SLX4IP: variants seen among roughly 807,000 people sequenced by gnomAD.
The protein encoded by SLX4IP is SLX4 interacting protein, also known as protein SLX4IP.
SLX4IP carries 34 observed loss-of-function variants against 32.9 expected under a neutral mutation model. The ratio of observed to expected loss-of-function variants is 1.03; its 90% CI spans 0.79 to 1.38. The LOEUF is 1.38. Among genes scored for constraint, SLX4IP ranks in the 40% most tolerant of loss-of-function variants. SLX4IP has a pLI of 0.00. For synonymous variants in SLX4IP, 172 were observed against 171.7 expected (o/e 1.00, Z -0.01); for missense variants, 444 against 479.0 (o/e 0.93, Z 0.68).
intron 4 of SLX4IP, among the ~76,000 whole-genome samples, chr20:10,594,940 C>T (rs2066752082): frequency 6.6e-6 from 1 of 152,014 alleles, no homozygotes; most frequent in African/African-American, 2.4e-5. Context: ...TGATGAACAA[C>T]TTAGGTAAGC....
intron 4 of SLX4IP, among the ~76,000 whole-genome samples, chr20:10,595,622 A>G (rs2037406006): frequency 6.6e-6 from 1 of 152,238 alleles, no homozygotes; most frequent in Non-Finnish European, 1.5e-5. Flanking sequence ...TTTCATTAAA[A>G]GCAAAGATAA....
intron 4 of SLX4IP, among the ~76,000 whole-genome samples, chr20:10,565,478 A>G (rs2066381520): frequency 6.6e-6 from 1 of 152,106 alleles, no homozygotes; most frequent in South Asian, 2.1e-4. Flanking sequence ...CACCCTGCAG[A>G]GACTGACTGC....
At chr20:10,607,653 A>T (rs923545124) in intron 6 of SLX4IP, among the ~76,000 whole-genome samples, 1 of 152,156 alleles carries the variant, frequency 6.6e-6, no homozygotes, top group African/African-American at 2.4e-5. Flanking sequence ...GATAGCCACC[A>T]TCCCCACCCA....
chr20:10,612,607 G>A (rs545088177), intron 6 of SLX4IP, among the ~76,000 whole-genome samples: 17 of 152,250 alleles, frequency 1.1e-4, no homozygotes, highest in East Asian at 3.9e-4. Context: ...GTGCAGTGGC[G>A]TGACCTCGGC....
intron 2 of SLX4IP, among the ~76,000 whole-genome samples, chr20:10,486,477 A>G (rs111582093): frequency 4.6e-5 from 7 of 152,100 alleles, no homozygotes; most frequent in East Asian, 1.9e-4. Context: ...TTTCCTATAT[A>G]CTTTCCTTAA....
At chr20:10,621,195 C>T (rs2067107236) in intron 6 of SLX4IP, 119 bp from the exon 7 acceptor site, 2 of 848,586 alleles carry the variant, frequency 2.4e-6, no homozygotes, top group African/African-American at 3.4e-5. Context: ...TACCACTGAG[C>T]AGTTTCATTC....
chr20:10,517,043 G>A (rs2065856560), intron 2 of SLX4IP, among the ~76,000 whole-genome samples: 1 of 152,218 alleles, frequency 6.6e-6, no homozygotes, highest in African/African-American at 2.4e-5. Context: ...ATGAGCATGG[G>A]AGGAACTATG....
intron 2 of SLX4IP, among the ~76,000 whole-genome samples, chr20:10,512,655 TA>T (rs2065817241): frequency 7.0e-6 from 1 of 142,292 alleles, no homozygotes; most frequent in Non-Finnish European, 1.5e-5. Flanking sequence ...TAGTATTTTT[TA>T]TATATAGTAT....
Position 10,458,215 on chromosome 20 carries a change from A to T in SLX4IP, c.11A>T (p.Lys4Met). 6.3e-7 allele frequency: 1 copy of T among 1,591,370 alleles called. No individual in the cohort carries two copies. The highest frequency in any genetic ancestry group is 2.3e-5 in the East Asian group (1 of 43,848). MAS[K>M]KFAVKCGNFA... ...TGGAATCAATAAGCCATGGCATCTA[A>T]GAAATTTGCTGTTAAAGTAAGTAAT... Residue 4 changes from lysine to methionine, a missense_variant, in exon 2 of 8, where the codon AAG becomes ATG. Transcript: ENST00000334534.
At position 10,623,155 on chromosome 20, in the gene SLX4IP, C is replaced by A. The variant is rs752373406; in HGVS notation, c.1003C>A (p.Pro335Thr). ...VEKSKAVRVL[P>T]ASELSDPGLL... is the part of the protein sequence containing the mutation. ...AAAAAGCAAAGCTGTCAGGGTTTTG[C>A]CAGCTTCAGAGTTGTCAGATCCAGG... The change falls in exon 8 of 8, where the codon CCA becomes ACA. Residue 335 changes from proline (P) to threonine (T), a missense_variant. Pro to Thr is a conservative substitution (Grantham distance 38, BLOSUM62 -1). Coordinates refer to ENST00000334534, the MANE Select transcript of SLX4IP (RefSeq NM_001009608.3). 6.2e-7 allele frequency: 1 copy of A among 1,614,122 alleles called. No homozygotes were observed. Among genetic ancestry groups the A allele is most frequent in the Admixed American group, 1.7e-5 (1 of 60,006 alleles).
At chr20:10,511,179 A>T (rs2065805117) in intron 2 of SLX4IP, among the ~76,000 whole-genome samples, 1 of 152,202 alleles carries the variant, frequency 6.6e-6, no homozygotes, top group African/African-American at 2.4e-5. Context: ...TGTTGTTCTC[A>T]TAATCTGCTG....
intron 6 of SLX4IP, among the ~76,000 whole-genome samples, chr20:10,604,808 A>G (rs1042484440): frequency 2.6e-5 from 4 of 152,210 alleles, no homozygotes; most frequent in Non-Finnish European, 5.9e-5. Flanking sequence ...GGACATTATT[A>G]TGAAATGAGT....
rs143768692 is a variant in SLX4IP, at chr20:10,510,922, A to G, written c.28-45309A>G. ...CCCGGCGGTGCCTGGCAAATTATTA[A>G]TGGGCCCAGGGTGAATGGACGCAGC... On this transcript the variant is annotated intron_variant, in intron 2 of 7. Coordinates refer to ENST00000334534, the MANE Select transcript of SLX4IP (RefSeq NM_001009608.3). Among the ~76,000 whole-genome samples, 902 of 152,204 alleles carry G rather than the reference A, an allele frequency of 5.9e-3. 7 individuals carry two copies. The highest frequency in any genetic ancestry group is 0.021 in the African/African-American group (854 of 41,544).
At chr20:10,569,513 G>A (rs552258706) in intron 4 of SLX4IP, among the ~76,000 whole-genome samples, 110 of 152,200 alleles carry the variant, frequency 7.2e-4, no homozygotes, top group South Asian at 1.2e-3. Flanking sequence ...GGTTTGCTAG[G>A]GCTGCCATAA....
chr20:10,450,797 G>T (rs2065234826), intron 1 of SLX4IP, among the ~76,000 whole-genome samples: 1 of 152,194 alleles, frequency 6.6e-6, no homozygotes, highest in Non-Finnish European at 1.5e-5. Flanking sequence ...TGTCGCCCAG[G>T]CTGGAGGACA....
chr20:10,492,331 G>A (rs566651924), intron 2 of SLX4IP, among the ~76,000 whole-genome samples: 3 of 152,256 alleles, frequency 2.0e-5, no homozygotes, highest in African/African-American at 7.2e-5. Context: ...CAGTAGTTGC[G>A]TCAGTTTCCC....
intron 2 of SLX4IP, among the ~76,000 whole-genome samples, chr20:10,522,552 C>T (rs1466454347): frequency 6.6e-6 from 1 of 152,138 alleles, no homozygotes; most frequent in African/African-American, 2.4e-5. Context: ...CCTGGGCCTG[C>T]GGGTACCAGT....
intron 2 of SLX4IP, among the ~76,000 whole-genome samples, chr20:10,492,112 T>G (rs1194843025): frequency 2.0e-5 from 3 of 152,224 alleles, no homozygotes; most frequent in Non-Finnish European, 2.9e-5. Flanking sequence ...TGCCATTTAT[T>G]TACCCGTTTC....
chr20:10,548,665 A>T (rs1389727286), intron 2 of SLX4IP, among the ~76,000 whole-genome samples: 6 of 152,214 alleles, frequency 3.9e-5, no homozygotes, highest in African/African-American at 1.4e-4. Flanking sequence ...CACCGCACCA[A>T]ACAAAACCCA....
Sources: allele counts gnomAD v4.1 joint callset (sites outside exome capture counted in the v4.1 genomes callset), GRCh38; gene constraint gnomAD v4.1.1; transcripts MANE v1.5; gene names NCBI Gene and HGNC (gene_info 2026-07-23, HGNC 2026-07-21).